Variants in EFHC2 observed in about 807,000 individuals in gnomAD.
The protein encoded by EFHC2 is EF-hand domain-containing family member C2.
In EFHC2, 18 loss-of-function variants were observed where a neutral mutation model predicts 52.7. That is an observed-to-expected ratio of 0.34 (90% CI 0.24 to 0.51). The LOEUF is 0.51. Among genes scored for constraint, EFHC2 ranks in the 20% least tolerant of loss-of-function variants. The pLI, the probability that EFHC2 is intolerant of heterozygous loss-of-function variation, is 0.97. For missense variants in EFHC2, 513 were observed against 562.5 expected (o/e 0.91, Z 0.89); for synonymous variants, 203 against 204.1 (o/e 0.99, Z 0.04).
At chrX:44,297,792 G>A (rs1389230334) in intron 2 of EFHC2, among the ~76,000 whole-genome samples, 3 of 103,885 alleles carry the variant, frequency 2.9e-5, no homozygotes, top group African/African-American at 1.1e-4. Context: ...CTCCTAAGAA[G>A]AGAAGTCAGC....
At chrX:44,186,190 A>T (rs753317760) in intron 11 of EFHC2, among the ~76,000 whole-genome samples, 1 of 112,405 alleles carries the variant, frequency 8.9e-6, no homozygotes, top group Admixed American at 9.4e-5. Flanking sequence ...AGATATTTTC[A>T]TGCAGTTAAG....
intron 11 of EFHC2, among the ~76,000 whole-genome samples, chrX:44,179,117 G>A (rs182074159): frequency 8.2e-5 from 9 of 109,750 alleles, no homozygotes; most frequent in African/African-American, 2.0e-4. Context: ...CTATGTAAGC[G>A]TACAGCTGTC....
At chrX:44,293,401 C>G in intron 2 of EFHC2, among the ~76,000 whole-genome samples, 1 of 111,432 alleles carries the variant, frequency 9.0e-6, no homozygotes, top group Non-Finnish European at 1.9e-5. Context: ...ACCACATCAT[C>G]TATAGGCACT....
intron 8 of EFHC2, among the ~76,000 whole-genome samples, chrX:44,240,451 G>A (rs1269847197): frequency 8.9e-6 from 1 of 111,933 alleles, no homozygotes; most frequent in Non-Finnish European, 1.9e-5. Context: ...CACAAAGAAC[G>A]GTTTTCCCCT....
chrX:44,343,389 T>C (rs191515471), intron 1 of EFHC2, among the ~76,000 whole-genome samples, 158 bp downstream of exon 1: 2 of 111,961 alleles, frequency 1.8e-5, no homozygotes, highest in Non-Finnish European at 3.8e-5. Context: ...GCTGGAGAGA[T>C]GGGAGAAGCA....
intron 1 of EFHC2, among the ~76,000 whole-genome samples, chrX:44,331,549 G>A (rs2038086616): frequency 1.8e-5 from 2 of 112,097 alleles, no homozygotes; most frequent in African/African-American, 6.5e-5. Flanking sequence ...GAATACAAGT[G>A]AAGCTGGGGA....
At chrX:44,328,937 C>A (rs369319946) in intron 1 of EFHC2, among the ~76,000 whole-genome samples, 3 of 111,567 alleles carry the variant, frequency 2.7e-5, no homozygotes, top group African/African-American at 9.7e-5. Flanking sequence ...ATGCTCCGCC[C>A]GCTCCCGGAC....
intron 11 of EFHC2, among the ~76,000 whole-genome samples, chrX:44,206,033 C>A (rs1027226941): frequency 8.9e-5 from 10 of 111,808 alleles, no homozygotes; most frequent in Non-Finnish European, 1.9e-4. Flanking sequence ...TCTTCTTGGA[C>A]CACAGTGGAA....
In EFHC2 at chrX:44,328,683, A is replaced by G. The variant is rs1446124360; in HGVS notation, c.42+14864T>C. On this transcript the variant is annotated intron_variant, in intron 1 of 14. Coordinates refer to ENST00000420999, the MANE Select transcript of EFHC2 (RefSeq NM_025184.4). Reference sequence around the variant, plus strand: ...ATTGATTGCAGAAAGTTTGCATAGGAGTGTAACTATGTAACTTCACTTTAG... The same window carrying G: ...ATTGATTGCAGAAAGTTTGCATAGGGGTGTAACTATGTAACTTCACTTTAG... Among the ~76,000 whole-genome samples, 3 of 111,744 alleles carry G rather than the reference A, an allele frequency of 2.7e-5. No individual in the cohort carries two copies. The East Asian group carries it at 8.5e-4, about 32-fold the overall frequency.
intron 9 of EFHC2, among the ~76,000 whole-genome samples, chrX:44,234,662 C>T (rs982041627): frequency 2.7e-5 from 3 of 111,954 alleles, no homozygotes; most frequent in African/African-American, 6.5e-5. Flanking sequence ...TTCCCAAATG[C>T]GTGTCTTCAG....
chrX:44,238,249 A>G (rs2037334714), intron 8 of EFHC2, among the ~76,000 whole-genome samples: 1 of 110,966 alleles, frequency 9.0e-6, no homozygotes, highest in African/African-American at 3.3e-5. Context: ...TTGTCAGGGA[A>G]TCCCACTGGC....
intron 1 of EFHC2, among the ~76,000 whole-genome samples, chrX:44,332,428 G>T (rs910654518): frequency 3.6e-5 from 4 of 110,457 alleles, no homozygotes; most frequent in African/African-American, 1.3e-4. Context: ...GTATTCAGCT[G>T]GTCAAGCTGT....
At chrX:44,165,076 T>C (rs1374893203) in intron 13 of EFHC2, among the ~76,000 whole-genome samples, 1 of 111,677 alleles carries the variant, frequency 9.0e-6, no homozygotes, top group Non-Finnish European at 1.9e-5. Context: ...CACCAGTTTT[T>C]GAAGGAAAAT....
chrX:44,178,407 C>T lies in EFHC2; in HGVS notation c.1909G>A (p.Asp637Asn), dbSNP rs776581328. The T allele has an allele frequency of 1.8e-5, 22 of 1,200,284 alleles. No homozygotes were observed. In the South Asian group the frequency reaches 2.2e-4, roughly 12 times the overall value. Reference sequence around the variant, plus strand: ...TACACACAGGAATAAATGAAAGTGTCGAAATTCTCAAACATATTTTTCTTG... The same window carrying T: ...TACACACAGGAATAAATGAAAGTGTTGAAATTCTCAAACATATTTTTCTTG... The part of the protein sequence containing the change: ...KFKKNMFENF[D>N]TFIYSCVYED... Residue 637 changes from aspartate to asparagine, a missense_variant, in exon 12 of 15, where the codon GAC becomes AAC. Transcript: ENST00000420999.
chrX:44,269,382 G>A (rs1445904388), intron 3 of EFHC2, among the ~76,000 whole-genome samples: 7 of 109,991 alleles, frequency 6.4e-5, no homozygotes, highest in Non-Finnish European at 9.5e-5. Flanking sequence ...CTCTGAGGCC[G>A]ATATAGTTTG....
chrX:44,150,403 G>A (rs2036561043), intron 14 of EFHC2, among the ~76,000 whole-genome samples: 1 of 111,378 alleles, frequency 9.0e-6, no homozygotes, highest in Non-Finnish European at 1.9e-5. Flanking sequence ...GTAGCCCAGT[G>A]TGGTTTGCGG....
chrX:44,289,982 G>A (rs184935868), intron 2 of EFHC2, among the ~76,000 whole-genome samples: 7 of 111,847 alleles, frequency 6.3e-5, no homozygotes, highest in South Asian at 3.7e-4. Flanking sequence ...CACCCGGCCC[G>A]GTCTACGTCT....
At chrX:44,154,239 T>C (rs1189958066) in intron 14 of EFHC2, among the ~76,000 whole-genome samples, 1 of 112,896 alleles carries the variant, frequency 8.9e-6, no homozygotes, top group Non-Finnish European at 1.9e-5. Flanking sequence ...GAGGCTTGCT[T>C]TGGCTGTCCC....
rs143659583 is a variant in EFHC2, at chrX:44,273,378, A to G, written c.232-542T>C. 9.9e-3 allele frequency among the ~76,000 whole-genome samples: 1,107 copies of G among 112,114 alleles called. 18 individuals carry two copies. Among genetic ancestry groups the G allele is most frequent in the African/African-American group, 0.034 (1,052 of 30,870 alleles). ...CGGGAACCTCAAGGAGCCTAGCCCA[A>G]TGCTAGACTCAGACTCATCTTGTAT... On this transcript the variant is annotated intron_variant, in intron 2 of 14. Coordinates refer to ENST00000420999, the MANE Select transcript of EFHC2 (RefSeq NM_025184.4).
Sources: allele counts gnomAD v4.1 joint callset (sites outside exome capture counted in the v4.1 genomes callset), GRCh38; gene constraint gnomAD v4.1.1; transcripts MANE v1.5; gene names NCBI Gene and HGNC (gene_info 2026-07-23, HGNC 2026-07-21).